The following GABBR2 variants were observed in gnomAD, a reference collection of about 807,000 sequenced individuals.
GABBR2 encodes the protein G-protein coupled receptor 51.
A neutral mutation model predicts 105.6 loss-of-function variants in GABBR2; 23 were observed. The ratio of observed to expected loss-of-function variants is 0.22; its 90% confidence interval spans 0.16 to 0.31. The LOEUF is 0.31. Among genes scored for constraint, GABBR2 ranks in the 10% least tolerant of loss-of-function variants. The pLI is 1.00. For synonymous variants in GABBR2, 478 were observed against 499.7 expected, an observed-to-expected ratio of 0.96 and a Z score of 0.58; for missense variants, 734 against 1,245.5, an observed-to-expected ratio of 0.59 and a Z score of 6.18.
chr9:98,664,339 T>C (rs1038035604), intron 1 of GABBR2, among the ~76,000 whole-genome samples: 3 of 152,222 alleles, frequency 2.0e-5, no homozygotes, highest in Non-Finnish European at 2.9e-5. Context: ...AAAAACCAGA[T>C]GGATCCTGGT....
chr9:98,417,829 G>A (rs1268059705), intron 7 of GABBR2, among the ~76,000 whole-genome samples: 1 of 152,182 alleles, frequency 6.6e-6, no homozygotes, highest in East Asian at 1.9e-4. Context: ...CTCTTTGAGG[G>A]GGTGGCTTAG....
At chr9:98,350,457 A>C (rs1242138287) in intron 13 of GABBR2, among the ~76,000 whole-genome samples, 3 of 152,108 alleles carry the variant, frequency 2.0e-5, no homozygotes, top group Non-Finnish European at 2.9e-5. Context: ...ATTTGTTTTA[A>C]GAAATATTCA....
At chr9:98,311,873 C>G (rs1830641841) in intron 13 of GABBR2, among the ~76,000 whole-genome samples, 1 of 152,192 alleles carries the variant, frequency 6.6e-6, no homozygotes, top group Non-Finnish European at 1.5e-5. Context: ...TGGAGAGGAT[C>G]CCTCCTGAGC....
At chr9:98,427,248 C>T (rs1026440945) in intron 7 of GABBR2, among the ~76,000 whole-genome samples, 2 of 152,152 alleles carry the variant, frequency 1.3e-5, no homozygotes, top group African/African-American at 4.8e-5. Context: ...ATCAATGAAC[C>T]ACTTGGGTTC....
In GABBR2 at chr9:98,320,208, C is replaced by G. The variant is rs562036564; in HGVS notation, c.1894-9003G>C. On this transcript the variant is annotated intron_variant, in intron 13 of 18. Coordinates refer to ENST00000259455, the MANE Select transcript of GABBR2 (RefSeq NM_005458.8). Reference sequence around the variant, plus strand: ...TTCTCAAAAGAAGACATTTGTGCAGCCAAAAAACACATGAAAAAATGCTCA... The same window carrying G: ...TTCTCAAAAGAAGACATTTGTGCAGGCAAAAAACACATGAAAAAATGCTCA... Among the ~76,000 whole-genome samples the G allele has an allele frequency of 8.8e-3, 1,336 of 151,058 alleles. 20 individuals are homozygous for G. Among genetic ancestry groups the G allele is most frequent in the African/African-American group, 0.031 (1,267 of 40,532 alleles).
At chr9:98,542,139 T>A in intron 2 of GABBR2, 96 bp from the exon 3 acceptor site, 1 of 1,000,076 alleles carries the variant, frequency 1.0e-6, no homozygotes, top group Non-Finnish European at 1.5e-6. Context: ...TAGCTTCAAC[T>A]TAGAGCATAA....
chr9:98,705,893 A>G (rs1398487034), intron 1 of GABBR2, among the ~76,000 whole-genome samples: 1 of 152,024 alleles, frequency 6.6e-6, no homozygotes, highest in African/African-American at 2.4e-5. Context: ...CCCGACCAAC[A>G]TGGAGAAACC....
chr9:98,304,904 C>CGGGACTAT (rs879291180), intron 15 of GABBR2, among the ~76,000 whole-genome samples: 1 of 151,940 alleles, frequency 6.6e-6, no homozygotes. Flanking sequence ...CCTGAGTAGC[C>CGGGACTAT]AGGACTACAG....
chr9:98,451,144 T>A (rs1826222440), intron 7 of GABBR2, among the ~76,000 whole-genome samples: 1 of 151,976 alleles, frequency 6.6e-6, no homozygotes, highest in Non-Finnish European at 1.5e-5. Flanking sequence ...TTCTAATGGG[T>A]GTTCTGTCCA....
In GABBR2 at chr9:98,399,351, CA is replaced by C. The variant is rs56407615; in HGVS notation, c.1298-5097del. On this transcript the variant is annotated intron_variant, in intron 8 of 18. Coordinates refer to ENST00000259455, the MANE Select transcript of GABBR2 (RefSeq NM_005458.8). ...TGGGTGACAAAGCAAGACTCCATCTCAAAAAAAAAAAAAAAAAGAATTCATC... is the reference window on the plus strand; with the variant it reads ...TGGGTGACAAAGCAAGACTCCATCTCAAAAAAAAAAAAAAAAGAATTCATC... Among the ~76,000 whole-genome samples the C allele has an allele frequency of 5.5e-3, 545 of 98,304 alleles. 1 individual carries two copies. The highest frequency in any genetic ancestry group is 0.011 in the East Asian group (36 of 3,364). 64.5% of individuals were successfully genotyped at this position (98,304 alleles called of 152,430 possible).
At chr9:98,577,509 G>A (rs1439914507) in intron 2 of GABBR2, among the ~76,000 whole-genome samples, 2 of 152,246 alleles carry the variant, frequency 1.3e-5, no homozygotes, top group Non-Finnish European at 1.5e-5. Flanking sequence ...GAATTGATGA[G>A]GAGTCATCTG....
At chr9:98,596,581 C>T (rs1251371880) in intron 1 of GABBR2, among the ~76,000 whole-genome samples, 1 of 152,132 alleles carries the variant, frequency 6.6e-6, no homozygotes, top group East Asian at 1.9e-4. Context: ...CAGCCTGGCC[C>T]AGCCCAGCCC....
At chr9:98,622,077 C>T (rs1358084456) in intron 1 of GABBR2, among the ~76,000 whole-genome samples, 1 of 152,188 alleles carries the variant, frequency 6.6e-6, no homozygotes. Context: ...ATTATCAGAG[C>T]ATCCTCTACT....
At chr9:98,544,313 C>T (rs540834878) in intron 2 of GABBR2, among the ~76,000 whole-genome samples, 2 of 152,306 alleles carry the variant, frequency 1.3e-5, no homozygotes, top group Admixed American at 1.3e-4. Flanking sequence ...TTGTCCCTTT[C>T]CATGTCTGTT....
At chr9:98,394,131 G>A in intron 9 of GABBR2, 44 bp downstream of exon 9, 1 of 1,366,488 alleles carries the variant, frequency 7.3e-7, no homozygotes, top group Non-Finnish European at 1.0e-6. Flanking sequence ...AGGCTTGGGA[G>A]CAACTGGGCA....
At chr9:98,338,762 C>G (rs946305761) in intron 13 of GABBR2, among the ~76,000 whole-genome samples, 4 of 152,162 alleles carry the variant, frequency 2.6e-5, no homozygotes, top group Non-Finnish European at 4.4e-5. Flanking sequence ...CCATGTAGCC[C>G]AGCAATTCCA....
At chr9:98,530,539 A>C (rs1564105455) in intron 3 of GABBR2, among the ~76,000 whole-genome samples, 1 of 152,216 alleles carries the variant, frequency 6.6e-6, no homozygotes, top group Non-Finnish European at 1.5e-5. Context: ...GCACTTTGGG[A>C]GGCCAAGGTG....
intron 1 of GABBR2, among the ~76,000 whole-genome samples, chr9:98,593,830 C>T (rs984050091): frequency 3.9e-5 from 6 of 152,178 alleles, no homozygotes; most frequent in Non-Finnish European, 7.4e-5. Context: ...GGTGCCCATG[C>T]TCCCTCTGCA....
chr9:98,310,626 C>T (rs938581870), intron 14 of GABBR2, among the ~76,000 whole-genome samples: 1 of 151,970 alleles, frequency 6.6e-6, no homozygotes, highest in Non-Finnish European at 1.5e-5. Context: ...CAGCTTTTGG[C>T]AAATCATTTA....
Sources: gnomAD v4.1 joint callset for allele counts (sites outside exome capture counted in the v4.1 genomes callset) on GRCh38, gnomAD v4.1.1 for gene constraint, MANE v1.5 for transcripts, NCBI Gene and HGNC (gene_info 2026-07-23, HGNC 2026-07-21) for gene names.